Variants in IQCM observed in about 807,000 individuals in gnomAD.
IQCM encodes IQ motif containing M, also known as IQ domain-containing protein M.
A neutral mutation model predicts 57.6 loss-of-function variants in IQCM; 45 were observed. The ratio of observed to expected loss-of-function variants is 0.78; its 90% CI spans 0.62 to 1.00. The LOEUF is 1.00. Ranked by LOEUF, IQCM falls within the 50% of genes least tolerant of loss-of-function variation. The pLI is 0.00. For missense variants in IQCM, 468 were observed against 511.6 expected, an observed-to-expected ratio of 0.91 and a Z score of 0.82; for synonymous variants, 148 against 158.9, an observed-to-expected ratio of 0.93 and a Z score of 0.51.
chr4:149,434,982 C>T (rs567349394), intron 12 of IQCM, among the ~76,000 whole-genome samples: 1 of 152,160 alleles, frequency 6.6e-6, no homozygotes, highest in East Asian at 1.9e-4. Context: ...TCCATGAGTG[C>T]CACTAGAATG....
At chr4:149,762,656 C>A (rs1437397437) in intron 2 of IQCM, among the ~76,000 whole-genome samples, 1 of 151,918 alleles carries the variant, frequency 6.6e-6, no homozygotes, top group African/African-American at 2.4e-5. Flanking sequence ...TATTTAATTT[C>A]TTTGTTATTT....
Position 149,488,521 on chromosome 4 carries a change from G to A in IQCM, c.1229-54964C>T, listed in dbSNP as rs1033752944. Among the ~76,000 whole-genome samples, 6 of 152,116 alleles carry A rather than the reference G, an allele frequency of 3.9e-5. No individual in the cohort carries two copies. The East Asian group carries it at 1.2e-3, about 29-fold the overall frequency. ...AAACATAAATACATTATGTAAAGTT[G>A]TTAATAGTATTTTTCCAGATAGATC... On this transcript the variant is annotated intron_variant, in intron 12 of 13. Transcript: ENST00000636793.
chr4:149,536,809 T>G (rs949131213), intron 12 of IQCM, among the ~76,000 whole-genome samples: 4 of 152,078 alleles, frequency 2.6e-5, no homozygotes, highest in Non-Finnish European at 4.4e-5. Context: ...CTTTCACTTT[T>G]TGATTTATTC....
At chr4:149,412,356 A>G (rs1260819602) in intron 13 of IQCM, among the ~76,000 whole-genome samples, 1 of 152,116 alleles carries the variant, frequency 6.6e-6, no homozygotes, top group South Asian at 2.1e-4. Flanking sequence ...TTGACCATTA[A>G]AAAACCAACT....
chr4:149,474,587 T>C (rs1043719712), intron 12 of IQCM, among the ~76,000 whole-genome samples: 1 of 148,332 alleles, frequency 6.7e-6, no homozygotes, highest in African/African-American at 2.5e-5. Flanking sequence ...TGTGGTAGCA[T>C]GTGCCTGTAA....
chr4:149,578,684 G>C (rs998081313), intron 9 of IQCM, among the ~76,000 whole-genome samples: 1 of 151,762 alleles, frequency 6.6e-6, no homozygotes, highest in Non-Finnish European at 1.5e-5. Context: ...AGATTATAGG[G>C]CTCCAGAAAA....
chr4:149,700,410 C>G (rs981496864), intron 5 of IQCM, among the ~76,000 whole-genome samples: 9 of 151,848 alleles, frequency 5.9e-5, no homozygotes, highest in Non-Finnish European at 8.8e-5. Context: ...GTCACCCCCC[C>G]ACACATACAC....
intron 12 of IQCM, among the ~76,000 whole-genome samples, chr4:149,450,669 A>C (rs1477398438): frequency 6.6e-6 from 1 of 151,890 alleles, no homozygotes; most frequent in African/African-American, 2.4e-5. Context: ...ATATAATCTC[A>C]TCTTAGATAA....
intron 5 of IQCM, among the ~76,000 whole-genome samples, chr4:149,731,320 C>T (rs1163419304): frequency 6.6e-6 from 1 of 152,128 alleles, no homozygotes; most frequent in African/African-American, 2.4e-5. Context: ...TGTGAAGACA[C>T]AGCTTTTGTC....
intron 8 of IQCM, among the ~76,000 whole-genome samples, chr4:149,590,932 A>G (rs1753099521): frequency 6.6e-6 from 1 of 152,090 alleles, no homozygotes; most frequent in African/African-American, 2.4e-5. Context: ...GTGTCTTTAC[A>G]GTAGAATGAT....
At chr4:149,373,325 C>T (rs1180918988) in intron 13 of IQCM, among the ~76,000 whole-genome samples, 2 of 151,960 alleles carry the variant, frequency 1.3e-5, no homozygotes, top group African/African-American at 4.8e-5. Flanking sequence ...GGACTTCAAA[C>T]CTAAGTAGTG....
chr4:149,470,354 C>A (rs1298185609), intron 12 of IQCM, among the ~76,000 whole-genome samples: 3 of 150,516 alleles, frequency 2.0e-5, no homozygotes, highest in Admixed American at 6.6e-5. Flanking sequence ...TTTAAACCAA[C>A]AAAGATCAAA....
At chr4:149,488,301 G>A (rs1741738719) in intron 12 of IQCM, among the ~76,000 whole-genome samples, 1 of 152,066 alleles carries the variant, frequency 6.6e-6, no homozygotes. Flanking sequence ...TCAGTACTGT[G>A]AGGAATATTC....
At chr4:149,770,727 C>T (rs1274478084) in intron 2 of IQCM, among the ~76,000 whole-genome samples, 1 of 152,056 alleles carries the variant, frequency 6.6e-6, no homozygotes, top group African/African-American at 2.4e-5. Flanking sequence ...ATTCAATATT[C>T]ATTCTTCATT....
chr4:149,632,494 C>T lies in IQCM; in HGVS notation c.566-11250G>A, dbSNP rs1323622528. ...AGATTATTAATTTTGTTATTTTCAT[C>T]TGTTTTTGATGACCAGCTTGTCAGA... On this transcript the variant is annotated intron_variant, in intron 7 of 13. Transcript: ENST00000636793. 1.1e-4 allele frequency among the ~76,000 whole-genome samples: 17 copies of T among 152,218 alleles called. No individual in the cohort carries two copies. The South Asian group carries it at 3.5e-3, about 32-fold the overall frequency.
intron 3 of IQCM, among the ~76,000 whole-genome samples, chr4:149,736,706 G>A (rs955905570): frequency 4.6e-5 from 7 of 152,164 alleles, no homozygotes; most frequent in Non-Finnish European, 1.5e-5. Flanking sequence ...TGATGAGGCT[G>A]TAGAGCTACT....
chr4:149,514,935 CG>C (rs1368451663), intron 12 of IQCM, among the ~76,000 whole-genome samples: 3 of 152,100 alleles, frequency 2.0e-5, no homozygotes, highest in Non-Finnish European at 4.4e-5. Context: ...GCTTCCTGCC[CG>C]TGAACATCAG....
intron 12 of IQCM, among the ~76,000 whole-genome samples, chr4:149,446,848 T>A (rs1021458154): frequency 7.3e-5 from 11 of 151,584 alleles, no homozygotes; most frequent in Admixed American, 2.0e-4. Context: ...ATTTTACATG[T>A]ATTATAACAA....
intron 8 of IQCM, among the ~76,000 whole-genome samples, chr4:149,591,915 G>A (rs780118570): frequency 2.6e-5 from 4 of 152,226 alleles, no homozygotes; most frequent in East Asian, 1.9e-4. Flanking sequence ...ATAAACATAC[G>A]TGTACATGTG....
Sources: gnomAD v4.1 joint callset for allele counts (sites outside exome capture counted in the v4.1 genomes callset) on GRCh38, gnomAD v4.1.1 for gene constraint, MANE v1.5 for transcripts, NCBI Gene and HGNC (gene_info 2026-07-23, HGNC 2026-07-21) for gene names.